The following KIAA1614 variants were observed in gnomAD, a reference collection of about 807,000 sequenced individuals.
KIAA1614 encodes the protein uncharacterized protein KIAA1614.
A neutral mutation model predicts 88.7 loss-of-function variants in KIAA1614; 76 were observed. The observed-to-expected ratio is 0.86, with a 90% CI of 0.71 to 1.04. The LOEUF (loss-of-function observed/expected upper bound fraction) is 1.04, where lower values mean the gene tolerates loss of function less well. Ranked by LOEUF, KIAA1614 falls within the 50% of genes least tolerant of loss-of-function variation. KIAA1614 has a pLI of 0.00. For synonymous variants in KIAA1614, 714 were observed against 675.5 expected (o/e 1.06, Z -0.88); for missense variants, 1,553 against 1,582.5 (o/e 0.98, Z 0.32).
chr1:180,923,612 G>A (rs1172044806), intron 3 of KIAA1614, among the ~76,000 whole-genome samples: 1 of 152,178 alleles, frequency 6.6e-6, no homozygotes, highest in African/African-American at 2.4e-5. Context: ...AGCTCCTGGG[G>A]CAAGAACTGT....
intron 3 of KIAA1614, among the ~76,000 whole-genome samples, chr1:180,922,790 C>G (rs1653985287): frequency 6.6e-6 from 1 of 152,166 alleles, no homozygotes; most frequent in African/African-American, 2.4e-5. Flanking sequence ...AGCTGGCTGC[C>G]CTGTGATTCC....
intron 6 of KIAA1614, 39 bp from the exon 7 acceptor site, chr1:180,941,006 G>GGCCCCCC: frequency 1.1e-6 from 1 of 908,444 alleles, no homozygotes; most frequent in Non-Finnish European, 1.5e-6. Context: ...CACCCTCCCG[G>GGCCCCCC]CCCTCCCCCG....
rs751666880 is a variant in KIAA1614, at chr1:180,916,935, G to GCTGGAGAC, written c.839_846dup (p.Ala283ThrfsTer85). 2 of 1,614,256 alleles carry GCTGGAGAC rather than the reference G, an allele frequency of 1.2e-6. No homozygotes were observed. The highest frequency in any genetic ancestry group is 8.5e-7 in the Non-Finnish European group (1 of 1,180,052). On this transcript the variant is annotated frameshift_variant, in exon 2 of 9. Transcript: ENST00000367588. LOFTEE classifies it high-confidence loss of function. ...GGCCCTGCTGGGTGAGCGCTGGAGA[G>GCTGGAGAC]CTGGAGACCTGGAGGCTCTGGGCGC... is the stretch of plus-strand genomic sequence containing the variant.
At position 180,936,419 on chromosome 1, in the gene KIAA1614, C is replaced by G. The variant is rs2102270879; in HGVS notation, c.2510C>G (p.Thr837Arg). Residue 837 changes from threonine (T) to arginine (R), a missense_variant, in exon 5 of 9, where the codon ACA (threonine) becomes AGA (arginine). Transcript: ENST00000367588. ...GGACTGCTCAGGCTGGGTGACCAGACAGAGCCTGTGGGTATCCCTCGGCCT... is the reference window on the plus strand; with the variant it reads ...GGACTGCTCAGGCTGGGTGACCAGAGAGAGCCTGTGGGTATCCCTCGGCCT... ...LAGLLRLGDQTEPVGIPRPPS... is the reference protein window; with the variant it reads ...LAGLLRLGDQREPVGIPRPPS... 9.9e-6 allele frequency: 16 copies of G among 1,614,200 alleles called. No individual in the cohort carries two copies. The highest frequency in any genetic ancestry group is 1.4e-5 in the Non-Finnish European group (16 of 1,180,022).
At chr1:180,931,272 C>T (rs1006669770) in intron 4 of KIAA1614, among the ~76,000 whole-genome samples, 9 of 152,060 alleles carry the variant, frequency 5.9e-5, no homozygotes, top group Non-Finnish European at 1.3e-4. Context: ...GAGGGTGACA[C>T]TGTAAGTGGT....
chr1:180,928,717 C>A, intron 4 of KIAA1614, 144 bp downstream of exon 4: 1 of 937,314 alleles, frequency 1.1e-6, no homozygotes, highest in Non-Finnish European at 1.5e-6. Context: ...AAGGCTCTTG[C>A]TTTGATTATT....
intron 4 of KIAA1614, among the ~76,000 whole-genome samples, chr1:180,933,934 G>A (rs1279227805): frequency 7.2e-6 from 1 of 138,072 alleles, no homozygotes; most frequent in African/African-American, 2.7e-5. Context: ...ACCCTGTGTG[G>A]AAACTTCGGG....
chr1:180,945,197 G>A, intron 8 of KIAA1614, 106 bp from the exon 9 acceptor site: 1 of 1,305,716 alleles, frequency 7.7e-7, no homozygotes, highest in Non-Finnish European at 1.0e-6. Flanking sequence ...AGCCTCCAAT[G>A]CCAGGCTCTT....
chr1:180,931,403 A>G (rs568166893), intron 4 of KIAA1614, among the ~76,000 whole-genome samples: 3 of 152,184 alleles, frequency 2.0e-5, no homozygotes, highest in Non-Finnish European at 4.4e-5. Flanking sequence ...GGTCCCTGTG[A>G]AGCCATATGT....
At chr1:180,915,455 C>A (rs1653768835) in intron 1 of KIAA1614, among the ~76,000 whole-genome samples, 1 of 152,178 alleles carries the variant, frequency 6.6e-6, no homozygotes, top group South Asian at 2.1e-4. Flanking sequence ...GGGAAATCAC[C>A]CTGGTTTTCA....
At chr1:180,914,636 G>A (rs1317581287) in intron 1 of KIAA1614, among the ~76,000 whole-genome samples, 2 of 152,064 alleles carry the variant, frequency 1.3e-5, no homozygotes, top group East Asian at 1.9e-4. Flanking sequence ...TGTAACCTCC[G>A]CCTTCTGGGT....
intron 3 of KIAA1614, among the ~76,000 whole-genome samples, 190 bp downstream of exon 3, chr1:180,918,104 C>T (rs544337189): frequency 6.6e-6 from 1 of 152,322 alleles, no homozygotes; most frequent in Non-Finnish European, 1.5e-5. Context: ...CCACATCCCC[C>T]AGGCTGGTGC....
chr1:180,941,868 C>T (rs1256605233), intron 7 of KIAA1614, among the ~76,000 whole-genome samples: 1 of 152,232 alleles, frequency 6.6e-6, no homozygotes, highest in African/African-American at 2.4e-5. Flanking sequence ...TCTTTTAACA[C>T]GCTTGACCCC....
Position 180,935,209 on chromosome 1 carries a change from G to A in KIAA1614, c.1300G>A (p.Glu434Lys). The A allele has an allele frequency of 6.6e-7, 1 of 1,511,640 alleles. No homozygotes were observed. The highest frequency in any genetic ancestry group is 8.8e-7 in the Non-Finnish European group (1 of 1,131,128). 93.6% of individuals were successfully genotyped at this position (1,511,640 alleles called of 1,614,324 possible). The change falls in exon 5 of 9, where the codon GAG (glutamate) becomes AAG (lysine). Residue 434 changes from glutamate (E) to lysine (K), a missense_variant. Physicochemically the swap from Glu to Lys is moderately conservative, Grantham distance 56. Coordinates refer to ENST00000367588, the MANE Select transcript of KIAA1614 (RefSeq NM_020950.2). The surrounding 1 kb of genome is among the most constrained non-coding windows in gnomAD (Gnocchi z 6.1). The stretch of plus-strand genomic sequence containing the variant: ...GCACACGAGCGATTCCTCCAGCGGA[G>A]AGTCCAGCGGTGGGCACAGGCCGAG... Reference protein sequence around the residue: ...NGHTSDSSSGESSGGHRPRRG... With the variant: ...NGHTSDSSSGKSSGGHRPRRG...
intron 6 of KIAA1614, 93 bp from the exon 7 acceptor site, chr1:180,940,952 C>T: frequency 9.0e-7 from 1 of 1,115,354 alleles, no homozygotes; most frequent in Non-Finnish European, 1.3e-6. Context: ...GGTGCTGGCC[C>T]ATCTGCGGCC....
intron 4 of KIAA1614, among the ~76,000 whole-genome samples, chr1:180,933,713 G>A (rs535562940): frequency 1.4e-4 from 22 of 152,238 alleles, no homozygotes; most frequent in South Asian, 8.3e-4. Flanking sequence ...TTGACTATTC[G>A]CCACAGTGTC....
At chr1:180,920,556 T>G (rs1653931230) in intron 3 of KIAA1614, among the ~76,000 whole-genome samples, 1 of 152,226 alleles carries the variant, frequency 6.6e-6, no homozygotes, top group Non-Finnish European at 1.5e-5. Context: ...CTGCTTCACA[T>G]TCAGTCAAGT....
chr1:180,936,724 C>A, intron 5 of KIAA1614, 54 bp downstream of exon 5: 1 of 1,205,812 alleles, frequency 8.3e-7, no homozygotes, highest in Non-Finnish European at 1.1e-6. Flanking sequence ...GGTTCTACAG[C>A]AGACGCCCAG....
rs1198728700 is a variant in KIAA1614 at position 180,935,492 on chromosome 1, C to T, written c.1583C>T (p.Pro528Leu). The T allele has an allele frequency of 3.3e-6, 5 of 1,495,302 alleles. No homozygotes were observed. The African/African-American group carries it at 4.2e-5, about 12-fold the overall frequency. 92.6% of individuals were successfully genotyped at this position (1,495,302 alleles called of 1,614,324 possible). Residue 528 changes from proline (P) to leucine (L), a missense_variant, in exon 5 of 9, where the codon CCG becomes CTG. By Grantham distance (98) the Pro-to-Leu change is moderately conservative. Coordinates refer to ENST00000367588, the MANE Select transcript of KIAA1614 (RefSeq NM_020950.2). The surrounding 1 kb of genome is among the most constrained non-coding windows in gnomAD (Gnocchi z 6.1). ...SLDRRGHPAP[P>L]APGSERRCQA... is the part of the protein sequence containing the mutation. ...GACCGCAGGGGACACCCGGCACCGC[C>T]GGCACCGGGCAGCGAGAGGAGGTGC...
Sources: allele counts gnomAD v4.1 joint callset (sites outside exome capture counted in the v4.1 genomes callset), GRCh38; gene constraint gnomAD v4.1.1; non-coding constraint Gnocchi (gnomAD v3.1); transcripts MANE v1.5; gene names NCBI Gene and HGNC (gene_info 2026-07-23, HGNC 2026-07-21).